Variants in LARGE1 observed in about 807,000 individuals in gnomAD.
LARGE1 encodes the protein LARGE xylosyl- and glucuronyltransferase 1.
Under a neutral mutation model 87.6 loss-of-function variants are expected in LARGE1, and 43 were observed. The ratio of observed to expected loss-of-function variants is 0.49; its 90% confidence interval spans 0.38 to 0.63. The LOEUF is 0.63. Ranked by LOEUF, LARGE1 falls within the 30% of genes least tolerant of loss-of-function variation. The pLI, the probability that LARGE1 is intolerant of heterozygous loss-of-function variation, is 0.00. For synonymous variants in LARGE1, 434 were observed against 394.6 expected (o/e 1.10, Z -1.18); for missense variants, 802 against 1,000.2 (o/e 0.80, Z 2.67).
intron 7 of LARGE1, among the ~76,000 whole-genome samples, chr22:33,407,062 G>T (rs1055707102): frequency 1.3e-5 from 2 of 152,122 alleles, no homozygotes; most frequent in African/African-American, 4.8e-5. Flanking sequence ...CAAAGTACTG[G>T]GATTACAGGC....
intron 1 of LARGE1, among the ~76,000 whole-genome samples, chr22:33,801,720 A>ATT (rs541538854): frequency 1.0e-3 from 152 of 152,248 alleles, no homozygotes; most frequent in Non-Finnish European, 1.4e-3. Context: ...CAGTTCATCC[A>ATT]TTTTGTTTTA....
In LARGE1 at chr22:33,344,716, TCACC is replaced by T. The variant is rs1315521889; in HGVS notation, c.1132-6919_1132-6916del. ...CGTCTTGGTCCCTTGAGGGAAAGAATCACCCATCATTGTTGGCTTGGGGGCAGCA... is the reference window on the plus strand; with the variant it reads ...CGTCTTGGTCCCTTGAGGGAAAGAATCATCATTGTTGGCTTGGGGGCAGCA... On this transcript the variant is annotated intron_variant, in intron 9 of 14. Transcript: ENST00000397394. Among the ~76,000 whole-genome samples, 287 of 151,972 alleles carry T rather than the reference TCACC, an allele frequency of 1.9e-3. 1 individual carries two copies. The highest frequency in any genetic ancestry group is 3.5e-3 in the Non-Finnish European group (237 of 67,988).
rs190967304 is a variant in LARGE1 at position 33,518,772 on chromosome 22, C to A, written c.787+46076G>T. Among the ~76,000 whole-genome samples the A allele has an allele frequency of 4.2e-3, 646 of 152,228 alleles. 5 individuals are homozygous for A. The highest frequency in any genetic ancestry group is 0.015 in the African/African-American group (620 of 41,544). ...GGACAGGAGTGGAAGTGTAACTGCA[C>A]CCCCTGAGGGGACTGGAGTGGGGCA... On this transcript the variant is annotated intron_variant, in intron 6 of 14. Coordinates refer to ENST00000397394, the MANE Select transcript of LARGE1 (RefSeq NM_133642.5).
At chr22:33,760,636 A>C (rs1263714333) in intron 2 of LARGE1, among the ~76,000 whole-genome samples, 1 of 152,168 alleles carries the variant, frequency 6.6e-6, no homozygotes, top group Non-Finnish European at 1.5e-5. Flanking sequence ...AATAACAACA[A>C]CACAGCCAGG....
intron 7 of LARGE1, among the ~76,000 whole-genome samples, chr22:33,421,390 C>T (rs1395110075): frequency 6.6e-6 from 1 of 152,070 alleles, no homozygotes; most frequent in African/African-American, 2.4e-5. Flanking sequence ...GTTGTTCATT[C>T]CCCAGAATAA....
In LARGE1 at chr22:33,571,419, T is replaced by G. The variant is rs766932804; in HGVS notation, c.616-6400A>C. Among the ~76,000 whole-genome samples, 31 of 152,256 alleles carry G rather than the reference T, an allele frequency of 2.0e-4. 1 individual carries two copies. The highest frequency in any genetic ancestry group is 2.9e-4 in the Non-Finnish European group (20 of 68,010). On this transcript the variant is annotated intron_variant, in intron 5 of 14. Transcript: ENST00000397394. ...CAGTATGAGCATGGAGGCAGAGAGC[T>G]GGACAGTGGACACACCTCACCTCTA...
intron 6 of LARGE1, among the ~76,000 whole-genome samples, chr22:33,451,975 A>G (rs1277520081): frequency 2.0e-5 from 3 of 152,204 alleles, no homozygotes; most frequent in African/African-American, 7.2e-5. Flanking sequence ...ATGGTCTCCA[A>G]TTACACCCAG....
intron 10 of LARGE1, among the ~76,000 whole-genome samples, chr22:33,335,853 G>A (rs986421562): frequency 3.3e-4 from 50 of 152,300 alleles, no homozygotes; most frequent in Admixed American, 1.8e-3. Context: ...TTAAACCAGT[G>A]GAGCTGCTCA....
intron 11 of LARGE1, among the ~76,000 whole-genome samples, chr22:33,264,401 GTAATCCCAGCACTC>G (rs1184163789): frequency 1.3e-5 from 2 of 152,254 alleles, no homozygotes; most frequent in Non-Finnish European, 2.9e-5. Context: ...GCTCACGCCT[GTAATCCCAGCACTC>G]TGGGAGGCCA....
At chr22:33,465,965 G>A (rs542945690) in intron 6 of LARGE1, among the ~76,000 whole-genome samples, 2 of 152,050 alleles carry the variant, frequency 1.3e-5, no homozygotes, top group African/African-American at 2.4e-5. Context: ...CTTCCATGAC[G>A]TCTTCTCCCA....
chr22:33,548,446 A>T (rs2077430328), intron 6 of LARGE1, among the ~76,000 whole-genome samples: 1 of 150,608 alleles, frequency 6.6e-6, no homozygotes, highest in Non-Finnish European at 1.5e-5. Flanking sequence ...TGGACTTTTC[A>T]CTCTTGTTGT....
At chr22:33,396,395 C>T (rs1329626296) in intron 7 of LARGE1, among the ~76,000 whole-genome samples, 1 of 148,112 alleles carries the variant, frequency 6.8e-6, no homozygotes, top group Non-Finnish European at 1.5e-5. Context: ...CCAGCTTTTG[C>T]TTTTTAAATT....
chr22:33,419,577 G>C (rs2066619963), intron 7 of LARGE1, among the ~76,000 whole-genome samples: 1 of 152,106 alleles, frequency 6.6e-6, no homozygotes, highest in Non-Finnish European at 1.5e-5. Flanking sequence ...TCTACCCAAA[G>C]AAACGGTCCT....
At chr22:33,187,700 C>T (rs1034122150) in intron 11 of LARGE1, among the ~76,000 whole-genome samples, 11 of 151,882 alleles carry the variant, frequency 7.2e-5, no homozygotes, top group African/African-American at 2.7e-4. Context: ...AGGCAGATCA[C>T]GGGGTCAGGA....
At chr22:33,643,133 C>G (rs1402747757) in intron 3 of LARGE1, among the ~76,000 whole-genome samples, 1 of 152,044 alleles carries the variant, frequency 6.6e-6, no homozygotes, top group African/African-American at 2.4e-5. Flanking sequence ...CTAAAATCGA[C>G]CACATAATTG....
At chr22:33,651,389 CAAAAAAAAA>C (rs59002897) in intron 2 of LARGE1, among the ~76,000 whole-genome samples, 3 of 54,356 alleles carry the variant, frequency 5.5e-5, no homozygotes, top group African/African-American at 1.6e-4. Context: ...GACTCCGTCT[CAAAAAAAAA>C]AAAAAAAAAA....
chr22:33,579,145 T>G (rs1457385691), intron 5 of LARGE1, among the ~76,000 whole-genome samples: 1 of 152,130 alleles, frequency 6.6e-6, no homozygotes, highest in East Asian at 1.9e-4. Context: ...AATTCCCAGG[T>G]GTTGTGGGAG....
the LARGE1 span, among the ~76,000 whole-genome samples, chr22:33,132,715 T>C: frequency 6.6e-6 from 1 of 151,960 alleles, no homozygotes; most frequent in Non-Finnish European, 1.5e-5. Context: ...ACAGATTCTT[T>C]GGTCCTTCTT....
chr22:33,711,899 A>T (rs2082740951), intron 2 of LARGE1, among the ~76,000 whole-genome samples: 1 of 152,140 alleles, frequency 6.6e-6, no homozygotes, highest in South Asian at 2.1e-4. Flanking sequence ...GGCCTCAAGT[A>T]GTCCTCTTGC....
Sources: allele counts gnomAD v4.1 joint callset (sites outside exome capture counted in the v4.1 genomes callset), GRCh38; gene constraint gnomAD v4.1.1; transcripts MANE v1.5; gene names NCBI Gene and HGNC (gene_info 2026-07-23, HGNC 2026-07-21).